Variants in CALN1 observed in about 807,000 individuals in gnomAD.
CALN1 encodes the protein calneuron 1.
Under a neutral mutation model 30.6 loss-of-function variants are expected in CALN1, and 17 were observed. The ratio of observed to expected loss-of-function variants is 0.56; its 90% CI spans 0.38 to 0.83. The LOEUF (loss-of-function observed/expected upper bound fraction) is 0.83, where lower values mean the gene tolerates loss of function less well. CALN1 is among the 40% of genes least tolerant of loss of function. The probability of loss-of-function intolerance (pLI) is 0.00; values close to 1 mark genes in which losing one functional copy is unlikely to be tolerated. For missense variants in CALN1, 291 were observed against 354.9 expected (o/e 0.82, Z 1.45); for synonymous variants, 156 against 131.4 (o/e 1.19, Z -1.28).
chr7:72,338,525 G>GTGTCTGTGTGTGTGTGTCTGTC (rs1554378747), intron 2 of CALN1, among the ~76,000 whole-genome samples: 1 of 122,292 alleles, frequency 8.2e-6, no homozygotes, highest in Non-Finnish European at 1.7e-5. Context: ...GTGTGTGTGT[G>GTGTCTGTGTGTGTGTGTCTGTC]TGTCTCACCT....
At chr7:71,868,426 C>CGGT (rs1036474300) in intron 5 of CALN1, among the ~76,000 whole-genome samples, 1 of 147,646 alleles carries the variant, frequency 6.8e-6, no homozygotes, top group Non-Finnish European at 1.5e-5. Context: ...GGCTGGAGTG[C>CGGT]GGTGGCACTA....
At position 72,000,810 on chromosome 7, in the gene CALN1, C is replaced by A. The variant is rs534490370; in HGVS notation, c.501+22847G>T. Among the ~76,000 whole-genome samples, 9 of 152,244 alleles carry A rather than the reference C, an allele frequency of 5.9e-5. No individual in the cohort carries two copies. In the South Asian group the frequency reaches 1.2e-3, roughly 21 times the overall value. On this transcript the variant is annotated intron_variant, in intron 5 of 6. Coordinates refer to ENST00000395275, the MANE Select transcript of CALN1 (RefSeq NM_031468.4). ...TTAACAAAATACTAGCAAACTGAATCCAGTAATGTATAAAAAGAATCATAC... is the reference window on the plus strand; with the variant it reads ...TTAACAAAATACTAGCAAACTGAATACAGTAATGTATAAAAAGAATCATAC...
chr7:72,314,020 A>G (rs992743405), intron 2 of CALN1, among the ~76,000 whole-genome samples: 1 of 152,188 alleles, frequency 6.6e-6, no homozygotes, highest in Non-Finnish European at 1.5e-5. Context: ...TGGAGTCAGC[A>G]CATTGCCCCT....
intron 3 of CALN1, among the ~76,000 whole-genome samples, chr7:72,221,638 C>T (rs978295908): frequency 4.6e-5 from 7 of 152,136 alleles, no homozygotes; most frequent in East Asian, 1.9e-4. Context: ...TGCCTGTAAT[C>T]GCAGTACTCT....
the CALN1 span, among the ~76,000 whole-genome samples, chr7:72,458,710 T>G: frequency 1.3e-5 from 1 of 78,908 alleles, no homozygotes; most frequent in African/African-American, 5.4e-5. Context: ...CTATATTATA[T>G]AATATATTTT....
chr7:71,799,712 G>A (rs998498691), intron 6 of CALN1, among the ~76,000 whole-genome samples: 1 of 151,692 alleles, frequency 6.6e-6, no homozygotes, highest in African/African-American at 2.4e-5. Flanking sequence ...CTGACCTCAA[G>A]TGATCCACCG....
chr7:72,258,823 C>T (rs1004404843), intron 3 of CALN1, among the ~76,000 whole-genome samples: 22 of 146,748 alleles, frequency 1.5e-4, no homozygotes, highest in East Asian at 1.2e-3. Context: ...GAGGCTGAGA[C>T]GGGCAGATCA....
At chr7:72,224,707 G>A (rs775671451) in intron 3 of CALN1, among the ~76,000 whole-genome samples, 2 of 151,706 alleles carry the variant, frequency 1.3e-5, no homozygotes, top group Admixed American at 6.6e-5. Context: ...CTTGAACCCC[G>A]GAGGCAGAGG....
intron 3 of CALN1, among the ~76,000 whole-genome samples, chr7:72,113,977 T>C (rs1807758852): frequency 6.6e-6 from 1 of 151,950 alleles, no homozygotes; most frequent in African/African-American, 2.4e-5. Context: ...GCCAGCATGG[T>C]GGCAGAGGAC....
At chr7:72,366,829 CA>C (rs35788493) in intron 2 of CALN1, among the ~76,000 whole-genome samples, 1 of 149,898 alleles carries the variant, frequency 6.7e-6, no homozygotes. Flanking sequence ...ATATAACCAA[CA>C]AAAAAAAAGG....
At chr7:72,374,162 A>C (rs1056383509) in intron 2 of CALN1, among the ~76,000 whole-genome samples, 3 of 152,248 alleles carry the variant, frequency 2.0e-5, no homozygotes, top group Admixed American at 1.3e-4. Flanking sequence ...AGGAAACCTG[A>C]AACCTTGGGG....
intron 2 of CALN1, among the ~76,000 whole-genome samples, chr7:72,286,363 G>T (rs369791805): frequency 2.0e-5 from 3 of 152,304 alleles, no homozygotes; most frequent in East Asian, 3.9e-4. Flanking sequence ...GCTAGGAATG[G>T]AAGGTCTGAG....
At chr7:72,327,997 A>C (rs757347273) in intron 2 of CALN1, among the ~76,000 whole-genome samples, 1 of 152,238 alleles carries the variant, frequency 6.6e-6, no homozygotes, top group East Asian at 1.9e-4. Context: ...TTTGAAATGC[A>C]TAGAAAAAAA....
At chr7:72,114,621 T>C (rs73124396) in intron 3 of CALN1, among the ~76,000 whole-genome samples, 27,112 of 152,016 alleles carry the variant, frequency 0.18, 2,915 homozygotes, top group East Asian at 0.28. Context: ...CTGCAAATAA[T>C]GATCAACTGA....
At chr7:72,054,604 T>G (rs1197055799) in intron 4 of CALN1, among the ~76,000 whole-genome samples, 1 of 150,024 alleles carries the variant, frequency 6.7e-6, no homozygotes, top group Non-Finnish European at 1.5e-5. Flanking sequence ...GATCATGTCT[T>G]TTGCAGGAAC....
At chr7:72,155,473 C>G (rs189922509) in intron 3 of CALN1, among the ~76,000 whole-genome samples, 2 of 142,006 alleles carry the variant, frequency 1.4e-5, no homozygotes, top group African/African-American at 5.4e-5. Flanking sequence ...GCCTGGGCGA[C>G]AGAGCAAGAC....
At position 72,221,777 on chromosome 7, in the gene CALN1, C is replaced by T. The variant is rs534023020; in HGVS notation, c.244+56909G>A. On this transcript the variant is annotated intron_variant, in intron 3 of 6. Transcript: ENST00000395275. ...TGGTGGCATGTGCCTGTAATCCCAGCAACTCAGGAGGTTGAGGCAGAGAAT... is the reference window on the plus strand; with the variant it reads ...TGGTGGCATGTGCCTGTAATCCCAGTAACTCAGGAGGTTGAGGCAGAGAAT... 4.0e-5 allele frequency among the ~76,000 whole-genome samples: 6 copies of T among 151,730 alleles called. No homozygotes were observed. In the South Asian group the frequency reaches 1.3e-3, roughly 32 times the overall value.
rs192884863 is a variant in CALN1 at position 71,965,644 on chromosome 7, A to C, written c.501+58013T>G. Among the ~76,000 whole-genome samples, 678 of 152,360 alleles carry C rather than the reference A, an allele frequency of 4.4e-3. 9 individuals are homozygous for C. Among genetic ancestry groups the C allele is most frequent in the African/African-American group, 0.016 (654 of 41,594 alleles). On this transcript the variant is annotated intron_variant, in intron 5 of 6. Transcript: ENST00000395275. ...TAGCTAAATTCCTACATAGGGACTTACCTTATTCATTTAAAAGAGATCCAT... is the reference window on the plus strand; with the variant it reads ...TAGCTAAATTCCTACATAGGGACTTCCCTTATTCATTTAAAAGAGATCCAT...
upstream of CALN1, among the ~76,000 whole-genome samples, chr7:72,449,390 C>G (rs1808611316): frequency 6.6e-6 from 1 of 152,296 alleles, no homozygotes. Flanking sequence ...ATCCTAGCCA[C>G]TTCTCTAAGA....
Sources: allele counts gnomAD v4.1 joint callset (sites outside exome capture counted in the v4.1 genomes callset), GRCh38; gene constraint gnomAD v4.1.1; transcripts MANE v1.5; gene names NCBI Gene and HGNC (gene_info 2026-07-23, HGNC 2026-07-21).